Variants in FNTA observed in about 807,000 individuals in gnomAD.
FNTA encodes farnesyltransferase, CAAX box, subunit alpha, also known as protein farnesyltransferase/geranylgeranyltransferase type-1 subunit alpha.
A neutral mutation model predicts 55.2 loss-of-function variants in FNTA; 27 were observed. That is an observed-to-expected ratio of 0.49 (90% CI 0.36 to 0.67). The LOEUF (loss-of-function observed/expected upper bound fraction) is 0.67. Ranked by LOEUF, FNTA falls within the 30% of genes least tolerant of loss-of-function variation. The pLI is 0.00. For missense variants in FNTA, 422 were observed against 464.7 expected, an observed-to-expected ratio of 0.91 and a Z score of 0.85; for synonymous variants, 176 against 170.7, an observed-to-expected ratio of 1.03 and a Z score of -0.24.
At chr8:43,064,939 C>T (rs771256383) in intron 3 of FNTA, among the ~76,000 whole-genome samples, 3 of 150,636 alleles carry the variant, frequency 2.0e-5, no homozygotes, top group Non-Finnish European at 3.0e-5. Flanking sequence ...AGGGTTCAAT[C>T]GATTTTCCTG....
intron 5 of FNTA, chr8:43,076,612 T>G (rs1471699863): frequency 6.6e-6 from 1 of 152,228 alleles, no homozygotes; most frequent in East Asian, 1.9e-4. Flanking sequence ...GTACGGTGGC[T>G]TACGCCTGTA....
At chr8:43,083,855 T>A (rs1182452875) in intron 7 of FNTA, among the ~76,000 whole-genome samples, 3 of 152,172 alleles carry the variant, frequency 2.0e-5, no homozygotes, top group South Asian at 2.1e-4. Flanking sequence ...GGCGGATTAC[T>A]TGAGGCTAGG....
intron 2 of FNTA, among the ~76,000 whole-genome samples, chr8:43,062,191 G>A (rs1343526992): frequency 6.6e-6 from 1 of 151,576 alleles, no homozygotes; most frequent in Non-Finnish European, 1.5e-5. Flanking sequence ...GTGTGTGTGT[G>A]TGTGTGTGTG....
At chr8:43,067,103 G>A (rs1183877766) in intron 3 of FNTA, among the ~76,000 whole-genome samples, 1 of 152,070 alleles carries the variant, frequency 6.6e-6, no homozygotes, top group Non-Finnish European at 1.5e-5. Context: ...CTGCCTTCCA[G>A]TGTGCCTTGT....
chr8:43,081,121 T>C (rs1811017496), intron 6 of FNTA: 1 of 152,144 alleles, frequency 6.6e-6, no homozygotes, highest in Non-Finnish European at 1.5e-5. Context: ...TTTTTTTCTT[T>C]TTATTATAAA....
intron 3 of FNTA, among the ~76,000 whole-genome samples, chr8:43,067,038 T>C (rs578022030): frequency 1.1e-4 from 16 of 152,328 alleles, no homozygotes; most frequent in South Asian, 2.1e-4. Context: ...AACTTTTTTT[T>C]CTAAGTTTGT....
chr8:43,077,917 T>G (rs1434117158), intron 6 of FNTA: 2 of 152,204 alleles, frequency 1.3e-5, no homozygotes, highest in Non-Finnish European at 2.9e-5. Context: ...TCCATAAACA[T>G]TAGTAGCCAC....
At chr8:43,071,576 G>A (rs548132779) in intron 4 of FNTA, among the ~76,000 whole-genome samples, 32 of 152,100 alleles carry the variant, frequency 2.1e-4, no homozygotes, top group Middle Eastern at 3.4e-3. Flanking sequence ...GGAGGCTGAG[G>A]CACGAGAATT....
chr8:43,084,050 C>T (rs62517590), intron 7 of FNTA, among the ~76,000 whole-genome samples: 7,201 of 151,224 alleles, frequency 0.048, 228 homozygotes, highest in South Asian at 0.081. Flanking sequence ...CCAGCCTGGG[C>T]GACAAGAGAC....
At chr8:43,068,521 G>T (rs1810712447) in intron 3 of FNTA, among the ~76,000 whole-genome samples, 1 of 152,090 alleles carries the variant, frequency 6.6e-6, no homozygotes, top group Admixed American at 6.5e-5. Context: ...GTTTATAATA[G>T]AATTAATTTA....
At chr8:43,067,618 C>G (rs1810689965) in intron 3 of FNTA, among the ~76,000 whole-genome samples, 1 of 146,710 alleles carries the variant, frequency 6.8e-6, no homozygotes, top group South Asian at 2.2e-4. Context: ...AAGCCAAGGG[C>G]TTATATTTAC....
chr8:43,068,470 A>G (rs1810711125), intron 3 of FNTA, among the ~76,000 whole-genome samples: 1 of 152,214 alleles, frequency 6.6e-6, no homozygotes, highest in Non-Finnish European at 1.5e-5. Flanking sequence ...TTTCATTTAC[A>G]AGTAGCATTT....
At chr8:43,077,140 GT>G in intron 5 of FNTA, 75 bp from the exon 6 acceptor site, 1 of 1,033,808 alleles carries the variant, frequency 9.7e-7, no homozygotes, top group Non-Finnish European at 1.4e-6. Context: ...CTTCTTTGTT[GT>G]AGTTTTAATT....
chr8:43,066,799 T>TG (rs1378089882), intron 3 of FNTA, among the ~76,000 whole-genome samples: 2 of 152,054 alleles, frequency 1.3e-5, no homozygotes, highest in African/African-American at 4.8e-5. Context: ...AGTTACTGAG[T>TG]GGGGATGTGG....
At chr8:43,067,933 T>C (rs1448393359) in intron 3 of FNTA, among the ~76,000 whole-genome samples, 2 of 151,976 alleles carry the variant, frequency 1.3e-5, no homozygotes, top group Non-Finnish European at 2.9e-5. Context: ...GGAGTCTTGC[T>C]CTGTCGCCCA....
At chr8:43,065,396 C>T (rs923788389) in intron 3 of FNTA, among the ~76,000 whole-genome samples, 17 of 152,000 alleles carry the variant, frequency 1.1e-4, no homozygotes, top group African/African-American at 1.9e-4. Context: ...TACAGGTGTA[C>T]GCCACCACAC....
At chr8:43,069,939 T>A (rs1810749287) in intron 4 of FNTA, among the ~76,000 whole-genome samples, 2 of 151,942 alleles carry the variant, frequency 1.3e-5, no homozygotes, top group Admixed American at 1.3e-4. Context: ...CCATTGCGCC[T>A]GGCCTAGAAT....
intron 7 of FNTA, chr8:43,084,479 C>T (rs980693547): frequency 5.4e-6 from 2 of 369,024 alleles, no homozygotes; most frequent in Non-Finnish European, 9.7e-6. Context: ...GCCTCTGTTT[C>T]CCAGAGTGTT....
intron 5 of FNTA, among the ~76,000 whole-genome samples, chr8:43,074,078 A>G (rs1307866590): frequency 1.3e-5 from 2 of 152,194 alleles, no homozygotes; most frequent in African/African-American, 4.8e-5. Context: ...ATAAACATTC[A>G]TGGCCTGTAT....
Sources: gnomAD v4.1 joint callset for allele counts (sites outside exome capture counted in the v4.1 genomes callset) on GRCh38, gnomAD v4.1.1 for gene constraint, MANE v1.5 for transcripts, NCBI Gene and HGNC (gene_info 2026-07-23, HGNC 2026-07-21) for gene names.